ERLEC1: variants seen among roughly 807,000 people sequenced by gnomAD.
ERLEC1 encodes endoplasmic reticulum lectin 1.
In ERLEC1, 47 loss-of-function variants were observed where a neutral mutation model predicts 68.0. The observed-to-expected ratio is 0.69, with a 90% CI of 0.55 to 0.88. The LOEUF (loss-of-function observed/expected upper bound fraction) is 0.88, where lower values mean the gene tolerates loss of function less well. Among genes scored for constraint, ERLEC1 ranks in the 40% least tolerant of loss-of-function variants. The pLI, the probability that ERLEC1 is intolerant of heterozygous loss-of-function variation, is 0.00. For synonymous variants in ERLEC1, 225 were observed against 203.2 expected, an observed-to-expected ratio of 1.11 and a Z score of -0.91; for missense variants, 567 against 583.8, an observed-to-expected ratio of 0.97 and a Z score of 0.30.
intron 1 of ERLEC1, among the ~76,000 whole-genome samples, chr2:53,793,974 A>G (rs1333717965): frequency 6.6e-6 from 1 of 152,216 alleles, no homozygotes; most frequent in Non-Finnish European, 1.5e-5. Context: ...TTATAAGTGG[A>G]GGCTAAGTGT....
chr2:53,811,115 G>A (rs1423672455), intron 10 of ERLEC1, among the ~76,000 whole-genome samples: 2 of 152,094 alleles, frequency 1.3e-5, no homozygotes, highest in African/African-American at 4.8e-5. Context: ...TCTGCCACTT[G>A]TTCTTTTCAC....
chr2:53,805,429 G>T (rs773604068), intron 8 of ERLEC1, among the ~76,000 whole-genome samples: 1 of 151,824 alleles, frequency 6.6e-6, no homozygotes, highest in East Asian at 1.9e-4. Flanking sequence ...TGTTGCCCGG[G>T]CTGGTTTCGA....
At chr2:53,808,269 A>C in intron 8 of ERLEC1, 30 bp from the exon 9 acceptor site, 1 of 1,576,594 alleles carries the variant, frequency 6.3e-7, no homozygotes, top group Non-Finnish European at 8.6e-7. Flanking sequence ...TTTGGCATGG[A>C]AACCCTTAAA....
rs1675076942 is a variant in ERLEC1 at position 53,787,123 on chromosome 2, C to T, written c.-88C>T. 2 of 937,292 alleles carry T rather than the reference C, an allele frequency of 2.1e-6. No homozygotes were observed. Among genetic ancestry groups the T allele is most frequent in the Non-Finnish European group, 1.4e-6 (1 of 700,428 alleles). 58.1% of individuals were successfully genotyped at this position (937,292 alleles called of 1,614,324 possible). Reference sequence around the variant, plus strand: ...GATACCCGGGCGCTTTATAGTCCCGCCGCCTCCTCCTCCACCTCCTCCTCC... The same window carrying T: ...GATACCCGGGCGCTTTATAGTCCCGTCGCCTCCTCCTCCACCTCCTCCTCC... On this transcript the variant is annotated 5_prime_UTR_variant, in exon 1 of 14. Transcript: ENST00000185150.
chr2:53,818,069 TA>T lies in ERLEC1; in HGVS notation c.*103del. 1 of 754,268 alleles carries T rather than the reference TA, an allele frequency of 1.3e-6. No individual in the cohort carries two copies. The highest frequency in any genetic ancestry group is 2.3e-6 in the Non-Finnish European group (1 of 431,014). 46.7% of individuals were successfully genotyped at this position (754,268 alleles called of 1,614,324 possible). On this transcript the variant is annotated 3_prime_UTR_variant, in exon 14 of 14. Transcript: ENST00000185150. The stretch of plus-strand genomic sequence containing the variant: ...GAGTTCTCAGCCATTGGACCTCTTC[TA>T]AAGGATGGTATAAAATGACTCTCAA...
In ERLEC1 at chr2:53,794,456, T is replaced by G; in HGVS notation, c.267+7T>G. 7.5e-7 allele frequency: 1 copy of G among 1,325,028 alleles called. No homozygotes were observed. The highest frequency in any genetic ancestry group is 1.1e-6 in the Non-Finnish European group (1 of 935,876). The allele number at this position is 1,325,028 out of a possible 1,614,324, so 82.1% of individuals were successfully genotyped here. A position where few individuals can be genotyped will look rare whatever the true frequency, so the allele number is the denominator to read the frequency against. On this transcript the variant is annotated splice_region_variant and intron_variant, in intron 2 of 13. Coordinates refer to ENST00000185150, the MANE Select transcript of ERLEC1 (RefSeq NM_015701.5). ...TGTGACAAGTGGGGATGAGGTAAGTTTTTATAAATATATTGATAATCCTGT... is the reference window on the plus strand; with the variant it reads ...TGTGACAAGTGGGGATGAGGTAAGTGTTTATAAATATATTGATAATCCTGT...
At chr2:53,795,081 T>C (rs544462080) in intron 2 of ERLEC1, among the ~76,000 whole-genome samples, 7 of 152,248 alleles carry the variant, frequency 4.6e-5, no homozygotes, top group Non-Finnish European at 1.0e-4. Context: ...TGATTGTTTA[T>C]AAATAAGTCT....
intron 13 of ERLEC1, among the ~76,000 whole-genome samples, chr2:53,816,842 G>C (rs1189164134): frequency 2.6e-5 from 4 of 151,946 alleles, no homozygotes; most frequent in Non-Finnish European, 5.9e-5. Context: ...TTATCAATTT[G>C]GGGAAATTTT....
At chr2:53,790,763 T>A (rs1168848251) in intron 1 of ERLEC1, among the ~76,000 whole-genome samples, 1 of 152,180 alleles carries the variant, frequency 6.6e-6, no homozygotes, top group Non-Finnish European at 1.5e-5. Flanking sequence ...ATGAGCCACC[T>A]CACCTGGCCA....
intron 1 of ERLEC1, chr2:53,787,690 C>T (rs964290374): frequency 1.1e-5 from 3 of 278,600 alleles, no homozygotes; most frequent in Non-Finnish European, 2.0e-5. Flanking sequence ...TGCACTTACT[C>T]ATCTTCCTTT....
At chr2:53,808,117 A>G (rs764197712) in intron 8 of ERLEC1, among the ~76,000 whole-genome samples, 182 bp from the exon 9 acceptor site, 11 of 152,158 alleles carry the variant, frequency 7.2e-5, no homozygotes, top group Non-Finnish European at 1.6e-4. Flanking sequence ...TGGAACTAAC[A>G]TTTGTCTGGA....
At chr2:53,797,432 A>G (rs1675772548) in intron 3 of ERLEC1, 83 bp from the exon 4 acceptor site, 3 of 931,520 alleles carry the variant, frequency 3.2e-6, no homozygotes, top group Admixed American at 2.7e-5. Context: ...TCTTAGGGGA[A>G]GTCTCAGCTG....
chr2:53,795,918 C>T lies in ERLEC1; in HGVS notation c.268-15C>T, dbSNP rs1169446921. Reference sequence around the variant, plus strand: ...CTAGAAAAACTGTAAGTATTAAACTCCAATTCTTTCTTAGGAAGAAGAAAA... The same window carrying T: ...CTAGAAAAACTGTAAGTATTAAACTTCAATTCTTTCTTAGGAAGAAGAAAA... On this transcript the variant is annotated splice_polypyrimidine_tract_variant and intron_variant, in intron 2 of 13. Coordinates refer to ENST00000185150, the MANE Select transcript of ERLEC1 (RefSeq NM_015701.5). The T allele has an allele frequency of 3.2e-6, 5 of 1,561,810 alleles. No individual in the cohort carries two copies. The African/African-American group carries it at 6.9e-5, about 22-fold the overall frequency.
At chr2:53,807,988 G>A (rs566864356) in intron 8 of ERLEC1, among the ~76,000 whole-genome samples, 44 of 150,284 alleles carry the variant, frequency 2.9e-4, no homozygotes, top group South Asian at 6.3e-4. Context: ...CCGCACCAGC[G>A]CACTCCAGCC....
intron 5 of ERLEC1, among the ~76,000 whole-genome samples, chr2:53,798,304 C>G (rs1224129832): frequency 1.3e-5 from 2 of 151,892 alleles, no homozygotes; most frequent in African/African-American, 2.4e-5. Flanking sequence ...CTTTGTCACC[C>G]AGGCCGGAGT....
At chr2:53,795,180 G>T (rs548516576) in intron 2 of ERLEC1, among the ~76,000 whole-genome samples, 3 of 152,066 alleles carry the variant, frequency 2.0e-5, no homozygotes, top group Non-Finnish European at 2.9e-5. Flanking sequence ...ATCCTTCAAG[G>T]CAATGACTTC....
At chr2:53,817,354 C>T (rs184690742) in intron 13 of ERLEC1, among the ~76,000 whole-genome samples, 2 of 152,086 alleles carry the variant, frequency 1.3e-5, no homozygotes, top group East Asian at 3.9e-4. Flanking sequence ...AGAATGGTCT[C>T]GATCTTCTGC....
In ERLEC1 at chr2:53,801,385, T is replaced by C. The variant is rs1675995511; in HGVS notation, c.526-12T>C. On this transcript the variant is annotated splice_polypyrimidine_tract_variant and intron_variant, in intron 6 of 13. Transcript: ENST00000185150. ...CTAATGAAAAGTCTGTCTTATACTC[T>C]TTTTTTTTAAGATTCCCACTAAAAA... 1.3e-6 allele frequency: 2 copies of C among 1,536,976 alleles called. No homozygotes were observed. The highest frequency in any genetic ancestry group is 1.8e-6 in the Non-Finnish European group (2 of 1,117,180).
chr2:53,790,485 G>A (rs1294973235), intron 1 of ERLEC1, among the ~76,000 whole-genome samples: 1 of 152,350 alleles, frequency 6.6e-6, no homozygotes, highest in East Asian at 1.9e-4. Flanking sequence ...AATTGGAAGA[G>A]ACTGGATTAG....
Sources: allele counts gnomAD v4.1 joint callset (sites outside exome capture counted in the v4.1 genomes callset), GRCh38; gene constraint gnomAD v4.1.1; transcripts MANE v1.5; gene names NCBI Gene and HGNC (gene_info 2026-07-23, HGNC 2026-07-21).